The following KYAT3 variants were observed in gnomAD, a reference collection of about 807,000 sequenced individuals.
KYAT3 encodes the protein kynurenine aminotransferase 3.
In KYAT3, 50 loss-of-function variants were observed where a neutral mutation model predicts 59.0. That is an observed-to-expected ratio of 0.85 (90% confidence interval 0.68 to 1.07). The LOEUF is 1.07. KYAT3 is among the 50% of genes least tolerant of loss of function. The pLI is 0.00. For synonymous variants in KYAT3, 148 were observed against 177.0 expected (o/e 0.84, Z 1.30); for missense variants, 497 against 533.3 (o/e 0.93, Z 0.67).
the KYAT3 span, among the ~76,000 whole-genome samples, chr1:88,921,874 G>T: frequency 6.6e-6 from 1 of 152,152 alleles, no homozygotes; most frequent in East Asian, 1.9e-4. Flanking sequence ...AACTCACTGG[G>T]TGAGGCCTAT....
rs1046339201 is a variant in KYAT3 at position 88,951,709 on chromosome 1, T to G, written c.954+1354A>C. ...CTTTATGATGTATTCTAGAAATCTT[T>G]TTTATCTCAGTACAGTAATTATAGT... On this transcript the variant is annotated intron_variant, in intron 10 of 13. Transcript: ENST00000260508. Among the ~76,000 whole-genome samples, 5 of 151,982 alleles carry G rather than the reference T, an allele frequency of 3.3e-5. 1 individual carries two copies. Among genetic ancestry groups the G allele is most frequent in the African/African-American group, 9.7e-5 (4 of 41,442 alleles).
At chr1:88,965,090 A>T in intron 4 of KYAT3, 112 bp from the exon 5 acceptor site, 1 of 758,358 alleles carries the variant, frequency 1.3e-6, no homozygotes, top group Non-Finnish European at 2.1e-6. Flanking sequence ...TGATGTTTAT[A>T]ATTACCCCAA....
At chr1:88,983,203 G>A (rs757203484) in intron 2 of KYAT3, 12 of 1,612,726 alleles carry the variant, frequency 7.4e-6, no homozygotes, top group Non-Finnish European at 9.3e-6. Context: ...CATCTCTTGG[G>A]GACAAATAAA....
intron 13 of KYAT3, among the ~76,000 whole-genome samples, chr1:88,942,412 C>T (rs973749434): frequency 2.6e-5 from 4 of 152,088 alleles, no homozygotes; most frequent in Non-Finnish European, 5.9e-5. Flanking sequence ...TTTCTATTAA[C>T]TTCTTTTTTT....
intron 2 of KYAT3, among the ~76,000 whole-genome samples, chr1:88,976,344 T>A (rs971808213): frequency 1.5e-4 from 23 of 150,150 alleles, no homozygotes; most frequent in Admixed American, 1.5e-3. Flanking sequence ...GTAACAGAGG[T>A]AGACTCCATC....
intron 2 of KYAT3, among the ~76,000 whole-genome samples, chr1:88,975,318 A>C: frequency 6.6e-6 from 1 of 152,226 alleles, no homozygotes; most frequent in Middle Eastern, 3.4e-3. Flanking sequence ...TGCCTGGCTA[A>C]TTTTTTGTAT....
intron 2 of KYAT3, among the ~76,000 whole-genome samples, chr1:88,973,034 A>C (rs969882892): frequency 6.6e-6 from 1 of 152,220 alleles, no homozygotes; most frequent in Non-Finnish European, 1.5e-5. Context: ...CATTAGCGTG[A>C]ACCCTAATCC....
At chr1:88,981,291 C>A (rs897333993) in intron 2 of KYAT3, 5 of 152,170 alleles carry the variant, frequency 3.3e-5, no homozygotes, top group Admixed American at 1.3e-4. Context: ...AGACACTTCA[C>A]CAGATAGAGC....
intron 12 of KYAT3, 80 bp downstream of exon 12, chr1:88,943,270 T>C (rs1197552037): frequency 9.7e-7 from 1 of 1,035,144 alleles, no homozygotes; most frequent in Non-Finnish European, 1.5e-6. Flanking sequence ...ATTTGATCGA[T>C]TTCAAAGCAT....
At chr1:88,926,677 T>C in the KYAT3 span, among the ~76,000 whole-genome samples, 1 of 152,174 alleles carries the variant, frequency 6.6e-6, no homozygotes, top group Non-Finnish European at 1.5e-5. Context: ...TATTCAGTAA[T>C]TGATAGGGAG....
At chr1:88,940,400 A>T (rs780286584) in intron 13 of KYAT3, among the ~76,000 whole-genome samples, 3 of 152,058 alleles carry the variant, frequency 2.0e-5, no homozygotes, top group Admixed American at 6.6e-5. Flanking sequence ...ATCATTTTTG[A>T]TTGAATTCTT....
chr1:88,989,283 T>C lies in KYAT3; in HGVS notation c.-1-932A>G, dbSNP rs577467623. On this transcript the variant is annotated intron_variant, in intron 1 of 13. Coordinates refer to ENST00000260508, the MANE Select transcript of KYAT3 (RefSeq NM_001008661.3). ...CAAACCCAGTAGTATACAAGAAGGATAATACATCATGACCAAGGGGGGTTG... is the reference window on the plus strand; with the variant it reads ...CAAACCCAGTAGTATACAAGAAGGACAATACATCATGACCAAGGGGGGTTG... Among the ~76,000 whole-genome samples, 22 of 152,264 alleles carry C rather than the reference T, an allele frequency of 1.4e-4. No individual in the cohort carries two copies. In the East Asian group the frequency reaches 4.2e-3, roughly 29 times the overall value.
the KYAT3 span, chr1:88,923,812 C>G: frequency 4.8e-6 from 1 of 208,784 alleles, no homozygotes; most frequent in African/African-American, 2.4e-5. Flanking sequence ...AGTATGCCCT[C>G]TATAGTTTTC....
chr1:88,946,106 G>A (rs1675432042), intron 11 of KYAT3, among the ~76,000 whole-genome samples: 1 of 152,140 alleles, frequency 6.6e-6, no homozygotes, highest in African/African-American at 2.4e-5. Flanking sequence ...GTCACAATGT[G>A]ATAAATCGAG....
At chr1:88,989,040 C>A (rs1677633773) in intron 1 of KYAT3, among the ~76,000 whole-genome samples, 1 of 152,122 alleles carries the variant, frequency 6.6e-6, no homozygotes. Context: ...ACAATACTGC[C>A]ACTTAGAAGT....
At chr1:88,926,621 C>T in the KYAT3 span, among the ~76,000 whole-genome samples, 444 of 152,252 alleles carry the variant, frequency 2.9e-3, 3 homozygotes, top group African/African-American at 0.01. Flanking sequence ...TGGCCCTGAC[C>T]GATAGATGGT....
At chr1:88,955,328 G>A in intron 8 of KYAT3, 103 bp from the exon 9 acceptor site, 4 of 704,608 alleles carry the variant, frequency 5.7e-6, no homozygotes, top group Non-Finnish European at 7.0e-6. Flanking sequence ...GAAAATAAGT[G>A]TGTTATAATT....
At chr1:88,957,661 T>A (rs1361102409) in intron 8 of KYAT3, among the ~76,000 whole-genome samples, 1 of 152,214 alleles carries the variant, frequency 6.6e-6, no homozygotes, top group Non-Finnish European at 1.5e-5. Flanking sequence ...ATCTTGCATA[T>A]CTTTAGTAAA....
chr1:88,983,102 G>A (rs1677192528), intron 2 of KYAT3: 6 of 1,612,418 alleles, frequency 3.7e-6, no homozygotes, highest in African/African-American at 1.3e-5. Flanking sequence ...ATCACGGTAA[G>A]TATAATCTCG....
Sources: gnomAD v4.1 joint callset for allele counts (sites outside exome capture counted in the v4.1 genomes callset) on GRCh38, gnomAD v4.1.1 for gene constraint, MANE v1.5 for transcripts, NCBI Gene and HGNC (gene_info 2026-07-23, HGNC 2026-07-21) for gene names.